FAM200B: variants seen among roughly 807,000 people sequenced by gnomAD.
FAM200B encodes the protein zinc finger BED-type containing 11.
Under a neutral mutation model 33.1 loss-of-function variants are expected in FAM200B, and 32 were observed. The observed-to-expected ratio is 0.97, with a 90% CI of 0.73 to 1.30. The LOEUF is 1.30. Ranked by LOEUF, FAM200B falls within the 50% of genes most tolerant of loss-of-function variation. The pLI is 0.00. For synonymous variants in FAM200B, 240 were observed against 264.8 expected (o/e 0.91, Z 0.91); for missense variants, 741 against 754.0 (o/e 0.98, Z 0.20).
upstream of FAM200B, among the ~76,000 whole-genome samples, chr4:15,680,654 CGA>C (rs1358416345): frequency 2.6e-5 from 4 of 151,250 alleles, no homozygotes; most frequent in South Asian, 4.2e-4. Context: ...CCAGCCTGGG[CGA>C]GAGAGTGAGA....
At chr4:15,668,042 T>TAAA in the FAM200B span, among the ~76,000 whole-genome samples, 1 of 132,476 alleles carries the variant, frequency 7.5e-6, no homozygotes, top group Admixed American at 7.6e-5. Context: ...ACTCTATCTC[T>TAAA]AAAAAAAAAA....
the FAM200B span, among the ~76,000 whole-genome samples, chr4:15,666,558 G>A: frequency 6.6e-6 from 1 of 151,876 alleles, no homozygotes; most frequent in South Asian, 2.1e-4. Flanking sequence ...GTAGACAGGA[G>A]GAATAGGTTT....
Position 15,689,323 on chromosome 4 carries a change from T to C in FAM200B, c.*372T>C, listed in dbSNP as rs1036796526. The stretch of plus-strand genomic sequence containing the variant: ...AGGGAAGTACTGGGGAACCAAACCA[T>C]GAAGGGTTCTGTAGACCATTATTGG... On this transcript the variant is annotated 3_prime_UTR_variant, in exon 2 of 2. Coordinates refer to ENST00000422728, the MANE Select transcript of FAM200B (RefSeq NM_001145191.2). The C allele has an allele frequency of 5.8e-6, 1 of 172,616 alleles. No homozygotes were observed. The highest frequency in any genetic ancestry group is 2.4e-5 in the African/African-American group (1 of 41,618). 10.7% of individuals were successfully genotyped at this position (172,616 alleles called of 1,614,324 possible). A position where few individuals can be genotyped will look rare whatever the true frequency, so the allele number is the denominator to read the frequency against.
the FAM200B span, among the ~76,000 whole-genome samples, chr4:15,669,045 A>G: frequency 2.0e-5 from 3 of 152,366 alleles, no homozygotes; most frequent in Non-Finnish European, 4.4e-5. Context: ...AAGATCGGTT[A>G]GTACAGGATA....
chr4:15,655,225 C>T, the FAM200B span: 2 of 1,436,216 alleles, frequency 1.4e-6, no homozygotes, highest in Non-Finnish European at 1.9e-6. Context: ...AGAGCCCCAC[C>T]AGCTGCTTCA....
At chr4:15,644,048 G>A in the FAM200B span, among the ~76,000 whole-genome samples, 154 of 152,258 alleles carry the variant, frequency 1.0e-3, no homozygotes, top group African/African-American at 3.4e-3. Context: ...TCCAGTTTCA[G>A]CAAAAATCCT....
At chr4:15,679,364 C>G (rs1216872873), upstream of FAM200B, among the ~76,000 whole-genome samples, 1 of 152,034 alleles carries the variant, frequency 6.6e-6, no homozygotes, top group African/African-American at 2.4e-5. Flanking sequence ...AATATCTACT[C>G]TTTAACAATT....
At chr4:15,670,914 CTTTTTTTTTT>C in the FAM200B span, among the ~76,000 whole-genome samples, 9 of 54,144 alleles carry the variant, frequency 1.7e-4, no homozygotes, top group East Asian at 6.1e-4. Flanking sequence ...TGTGCGTAGA[CTTTTTTTTTT>C]TTTTTTTTTT....
chr4:15,649,618 CAG>C, the FAM200B span, among the ~76,000 whole-genome samples: 1 of 142,686 alleles, frequency 7.0e-6, no homozygotes, highest in African/African-American at 2.5e-5. Context: ...AAAGAATAAA[CAG>C]AATATACACA....
chr4:15,653,330 T>C, the FAM200B span, among the ~76,000 whole-genome samples: 1 of 152,136 alleles, frequency 6.6e-6, no homozygotes, highest in Non-Finnish European at 1.5e-5. Flanking sequence ...AAAAAGCAAC[T>C]GCATTTTCAA....
chr4:15,685,683 A>G (rs1160946644), intron 1 of FAM200B, among the ~76,000 whole-genome samples: 3 of 152,196 alleles, frequency 2.0e-5, no homozygotes, highest in Admixed American at 1.3e-4. Flanking sequence ...TACAATTAAT[A>G]CAAACAGTCA....
the FAM200B span, chr4:15,659,766 C>T: frequency 1.0e-6 from 1 of 983,736 alleles, no homozygotes; most frequent in Non-Finnish European, 1.2e-6. Context: ...GCCAAGTGAA[C>T]ACCAAAATCT....
At chr4:15,650,757 T>C in the FAM200B span, among the ~76,000 whole-genome samples, 1 of 146,520 alleles carries the variant, frequency 6.8e-6, no homozygotes, top group South Asian at 2.2e-4. Flanking sequence ...CTTAGCCTCC[T>C]GAGTAGCTGG....
chr4:15,666,285 G>C, the FAM200B span, among the ~76,000 whole-genome samples: 2 of 151,750 alleles, frequency 1.3e-5, no homozygotes, highest in African/African-American at 4.8e-5. Context: ...TGTAGTCCCA[G>C]CTACTCAGGA....
At chr4:15,666,476 AAG>A in the FAM200B span, among the ~76,000 whole-genome samples, 4 of 152,156 alleles carry the variant, frequency 2.6e-5, no homozygotes, top group African/African-American at 7.2e-5. Flanking sequence ...CATATAAGTA[AAG>A]AGAGGATGAT....
the FAM200B span, among the ~76,000 whole-genome samples, chr4:15,648,096 A>C: frequency 6.6e-6 from 1 of 152,126 alleles, no homozygotes; most frequent in Non-Finnish European, 1.5e-5. Flanking sequence ...GCTTCAAGCG[A>C]TCCTCCTGAC....
chr4:15,682,049 A>T (rs746609623), intron 1 of FAM200B, 148 bp downstream of exon 1: 4 of 152,308 alleles, frequency 2.6e-5, no homozygotes, highest in Non-Finnish European at 5.9e-5. Flanking sequence ...CCGGGCCTGA[A>T]GGGCGATTAT....
chr4:15,649,597 A>AAAG, the FAM200B span, among the ~76,000 whole-genome samples: 3 of 146,942 alleles, frequency 2.0e-5, no homozygotes, highest in Non-Finnish European at 3.0e-5. Flanking sequence ...AAAAAAAAAA[A>AAAG]GAAAGAAAGA....
chr4:15,682,866 T>C (rs1283130133), intron 1 of FAM200B, among the ~76,000 whole-genome samples: 2 of 152,220 alleles, frequency 1.3e-5, no homozygotes, highest in African/African-American at 4.8e-5. Context: ...TTCAAGAATT[T>C]CCATACTTTT....
Sources: gnomAD v4.1 joint callset for allele counts (sites outside exome capture counted in the v4.1 genomes callset) on GRCh38, gnomAD v4.1.1 for gene constraint, MANE v1.5 for transcripts, NCBI Gene and HGNC (gene_info 2026-07-23, HGNC 2026-07-21) for gene names.